The following ACVR2A variants were observed in gnomAD, a reference collection of about 807,000 sequenced individuals.
ACVR2A encodes activin A receptor type 2A, also known as activin receptor type-2A.
ACVR2A carries 7 observed loss-of-function variants against 61.4 expected under a neutral mutation model. The ratio of observed to expected loss-of-function variants is 0.11; its 90% CI spans 0.06 to 0.21. ACVR2A has a LOEUF of 0.21. ACVR2A is among the 10% of genes least tolerant of loss of function. The pLI, the probability that ACVR2A is intolerant of heterozygous loss-of-function variation, is 1.00. For missense variants in ACVR2A, 322 were observed against 621.7 expected (o/e 0.52, Z 5.13); for synonymous variants, 193 against 208.3 (o/e 0.93, Z 0.63).
chr2:147,855,884 G>A (rs1438643069), intron 1 of ACVR2A, among the ~76,000 whole-genome samples: 6 of 151,806 alleles, frequency 4.0e-5, no homozygotes, highest in African/African-American at 1.5e-4. Context: ...TCTGAAATTG[G>A]CTTTACTCCT....
At chr2:147,908,439 C>T (rs1687041531) in intron 4 of ACVR2A, among the ~76,000 whole-genome samples, 1 of 152,050 alleles carries the variant, frequency 6.6e-6, no homozygotes, top group Non-Finnish European at 1.5e-5. Context: ...GCTTTCCTTT[C>T]AAGAGGAGTA....
rs1216352947 is a variant in ACVR2A at position 147,930,436 on chromosome 2, T to C, written c.*3162T>C. 1 of 152,248 alleles carries C rather than the reference T, an allele frequency of 6.6e-6. No homozygotes were observed. Among genetic ancestry groups the C allele is most frequent in the African/African-American group, 2.4e-5 (1 of 41,368 alleles). 9.4% of individuals were successfully genotyped at this position (152,248 alleles called of 1,614,324 possible). On this transcript the variant is annotated 3_prime_UTR_variant, in exon 11 of 11. Coordinates refer to ENST00000241416, the MANE Select transcript of ACVR2A (RefSeq NM_001616.5). ...CTTTTATACTTTTTTGAAAGATTACTTTTTAGGAACATTTGGTATGATATG... is the reference window on the plus strand; with the variant it reads ...CTTTTATACTTTTTTGAAAGATTACCTTTTAGGAACATTTGGTATGATATG...
intron 1 of ACVR2A, among the ~76,000 whole-genome samples, chr2:147,850,953 A>C (rs1685431123): frequency 6.6e-6 from 1 of 152,124 alleles, no homozygotes. Flanking sequence ...ATAGTGATCA[A>C]GAATGTGGTC....
At chr2:147,916,284 A>G (rs114071560) in intron 5 of ACVR2A, among the ~76,000 whole-genome samples, 519 of 151,828 alleles carry the variant, frequency 3.4e-3, no homozygotes, top group East Asian at 8.3e-3. Context: ...CATAAATAAG[A>G]TAAGGGAAGA....
chr2:147,896,543 A>G, intron 2 of ACVR2A, 35 bp downstream of exon 2: 1 of 1,592,834 alleles, frequency 6.3e-7, no homozygotes, highest in Non-Finnish European at 8.6e-7. Context: ...GGTAGTATTG[A>G]GTAATTTTCA....
intron 1 of ACVR2A, among the ~76,000 whole-genome samples, chr2:147,886,855 A>T (rs917924472): frequency 6.6e-6 from 1 of 151,618 alleles, no homozygotes; most frequent in African/African-American, 2.4e-5. Context: ...TGCCAATGAT[A>T]AAATTGTTAG....
intron 1 of ACVR2A, among the ~76,000 whole-genome samples, chr2:147,846,448 T>C (rs1296798274): frequency 2.0e-5 from 3 of 152,040 alleles, no homozygotes; most frequent in Non-Finnish European, 1.5e-5. Context: ...TATAATCTTT[T>C]GTAATGTATA....
chr2:147,902,622 C>G (rs1048183309), intron 4 of ACVR2A, among the ~76,000 whole-genome samples: 1 of 151,908 alleles, frequency 6.6e-6, no homozygotes, highest in Non-Finnish European at 1.5e-5. Flanking sequence ...TCCAAAAATT[C>G]TAAAGTACAT....
At chr2:147,859,721 G>A (rs1685677906) in intron 1 of ACVR2A, among the ~76,000 whole-genome samples, 1 of 151,898 alleles carries the variant, frequency 6.6e-6, no homozygotes, top group Non-Finnish European at 1.5e-5. Context: ...TGTATATGAG[G>A]CGCATGAAAA....
At chr2:147,918,416 CA>C (rs758579386) in intron 6 of ACVR2A, 30 bp from the exon 7 acceptor site, 11 of 1,589,300 alleles carry the variant, frequency 6.9e-6, no homozygotes, top group Non-Finnish European at 9.4e-6. Context: ...TTGTCAAGAA[CA>C]TAAGTTTCTT....
chr2:147,929,056 T>C lies in ACVR2A; in HGVS notation c.*1782T>C, dbSNP rs932434874. The C allele has an allele frequency of 1.3e-5, 2 of 152,432 alleles. No individual in the cohort carries two copies. Among genetic ancestry groups the C allele is most frequent in the African/African-American group, 4.8e-5 (2 of 41,426 alleles). 9.4% of individuals were successfully genotyped at this position (152,432 alleles called of 1,614,324 possible). On this transcript the variant is annotated 3_prime_UTR_variant, in exon 11 of 11. Transcript: ENST00000241416. ...TGGGAATAGTAAATTAATTATGTTA[T>C]TTATAAACAATACATAGGTCAACAG... is the stretch of plus-strand genomic sequence containing the variant.
intron 1 of ACVR2A, among the ~76,000 whole-genome samples, chr2:147,885,287 C>G (rs1686403286): frequency 6.6e-6 from 1 of 152,034 alleles, no homozygotes; most frequent in Non-Finnish European, 1.5e-5. Context: ...TGAGCTCTCT[C>G]TCAATTATTT....
chr2:147,896,385 T>G lies in ACVR2A; in HGVS notation c.140T>G (p.Val47Gly). The G allele has an allele frequency of 6.2e-7, 1 of 1,614,034 alleles. No individual in the cohort carries two copies. The highest frequency in any genetic ancestry group is 8.5e-7 in the Non-Finnish European group (1 of 1,179,948). The change falls in exon 2 of 11, where the codon GTT becomes GGT. Residue 47 changes from valine to glycine, a missense_variant. Transcript: ENST00000241416. ...WEKDRTNQTGVEPCYGDKDKR... is the reference protein window; with the variant it reads ...WEKDRTNQTGGEPCYGDKDKR... ...AAAGACAGAACCAATCAAACTGGTG[T>G]TGAACCGTGTTATGGTGACAAAGAT... is the stretch of plus-strand genomic sequence containing the variant.
upstream of ACVR2A, chr2:147,844,549 C>A (rs577565034): frequency 2.4e-3 from 363 of 149,776 alleles, no homozygotes; most frequent in Non-Finnish European, 3.6e-3. Context: ...GCCCGGAGCC[C>A]GGAGCTGGAG....
intron 1 of ACVR2A, among the ~76,000 whole-genome samples, chr2:147,858,304 C>G (rs1485674101): frequency 6.6e-6 from 1 of 152,146 alleles, no homozygotes; most frequent in East Asian, 1.9e-4. Flanking sequence ...TTGAAGGGAA[C>G]TATACCAGCA....
At chr2:147,858,881 T>C (rs1685653593) in intron 1 of ACVR2A, among the ~76,000 whole-genome samples, 1 of 152,080 alleles carries the variant, frequency 6.6e-6, no homozygotes, top group African/African-American at 2.4e-5. Context: ...TGTCACAGAG[T>C]ATTATTATTT....
intron 1 of ACVR2A, among the ~76,000 whole-genome samples, chr2:147,875,517 G>A: frequency 6.6e-6 from 1 of 151,972 alleles, no homozygotes; most frequent in South Asian, 2.1e-4. Context: ...TATTAAAAAT[G>A]CAGAGCCCCA....
chr2:147,885,241 T>C (rs1686401884), intron 1 of ACVR2A, among the ~76,000 whole-genome samples: 1 of 152,276 alleles, frequency 6.6e-6, no homozygotes, highest in Non-Finnish European at 1.5e-5. Flanking sequence ...AAAAAAGTCA[T>C]CTTATATTTG....
chr2:147,910,834 G>GTGC (rs1336554438), intron 4 of ACVR2A, among the ~76,000 whole-genome samples: 1 of 152,124 alleles, frequency 6.6e-6, no homozygotes, highest in African/African-American at 2.4e-5. Context: ...TCACCTTGAT[G>GTGC]TGCTGGGCAA....
Sources: gnomAD v4.1 joint callset for allele counts (sites outside exome capture counted in the v4.1 genomes callset) on GRCh38, gnomAD v4.1.1 for gene constraint, MANE v1.5 for transcripts, NCBI Gene and HGNC (gene_info 2026-07-23, HGNC 2026-07-21) for gene names.